The following DACH1 variants were observed in gnomAD, a reference collection of about 807,000 sequenced individuals.
The protein encoded by DACH1 is dachshund family transcription factor 1, also known as dachshund homolog 1.
In DACH1, 12 loss-of-function variants were observed where a neutral mutation model predicts 54.2. The observed-to-expected ratio is 0.22, with a 90% confidence interval of 0.14 to 0.36. The LOEUF is 0.36. Ranked by LOEUF, DACH1 falls within the 10% of genes least tolerant of loss-of-function variation. The pLI is 1.00. For missense variants in DACH1, 805 were observed against 929.8 expected (o/e 0.87, Z 1.75); for synonymous variants, 386 against 366.2 (o/e 1.05, Z -0.62).
chr13:71,770,693 G>C (rs1885815304), intron 1 of DACH1, among the ~76,000 whole-genome samples: 1 of 151,656 alleles, frequency 6.6e-6, no homozygotes, highest in South Asian at 2.1e-4. Flanking sequence ...CCCTAAAGTA[G>C]GTGTTGTTTT....
At chr13:71,758,754 C>A (rs1487670932) in intron 1 of DACH1, among the ~76,000 whole-genome samples, 5 of 152,092 alleles carry the variant, frequency 3.3e-5, no homozygotes, top group Non-Finnish European at 4.4e-5. Context: ...ATATAAATAT[C>A]CGGTATATTA....
At chr13:71,651,743 C>T (rs56115679) in intron 2 of DACH1, among the ~76,000 whole-genome samples, 23,816 of 151,676 alleles carry the variant, frequency 0.16, 4,366 homozygotes, top group African/African-American at 0.44. Context: ...TATATGTGTG[C>T]ATATACATGA....
intron 2 of DACH1, among the ~76,000 whole-genome samples, chr13:71,631,486 C>T (rs1382717710): frequency 2.0e-5 from 3 of 152,130 alleles, no homozygotes; most frequent in East Asian, 1.9e-4. Context: ...GCATGTGTTG[C>T]TACACAGCTT....
intron 6 of DACH1, among the ~76,000 whole-genome samples, chr13:71,493,466 A>T (rs1007625254): frequency 2.0e-5 from 3 of 152,218 alleles, no homozygotes; most frequent in Non-Finnish European, 2.9e-5. Context: ...TGAGCCACAG[A>T]AACTGTAGGA....
chr13:71,673,884 A>G (rs1028798076), intron 2 of DACH1, among the ~76,000 whole-genome samples: 9 of 152,204 alleles, frequency 5.9e-5, no homozygotes, highest in African/African-American at 1.9e-4. Context: ...AACCATCATA[A>G]CCTATAAACA....
At chr13:71,499,946 C>T (rs1007322313) in intron 6 of DACH1, among the ~76,000 whole-genome samples, 1 of 151,906 alleles carries the variant, frequency 6.6e-6, no homozygotes, top group Admixed American at 6.6e-5. Flanking sequence ...CATAGTGCAC[C>T]CATAAACATT....
chr13:71,479,961 C>T (rs1177875747), intron 7 of DACH1, among the ~76,000 whole-genome samples: 2 of 152,160 alleles, frequency 1.3e-5, no homozygotes, highest in Admixed American at 6.5e-5. Flanking sequence ...ACTACCCTAT[C>T]TCCAAATGTA....
chr13:71,663,009 A>G (rs1006788433), intron 2 of DACH1, among the ~76,000 whole-genome samples: 9 of 152,022 alleles, frequency 5.9e-5, no homozygotes, highest in South Asian at 2.1e-4. Context: ...TAAAGTGCGC[A>G]TTTCACAAAT....
At chr13:71,863,547 C>T (rs1245373042) in intron 1 of DACH1, among the ~76,000 whole-genome samples, 1 of 152,098 alleles carries the variant, frequency 6.6e-6, no homozygotes, top group East Asian at 1.9e-4. Flanking sequence ...AAGAGATAAA[C>T]AGTTCCACTG....
chr13:71,619,918 T>G (rs979767451), intron 3 of DACH1, among the ~76,000 whole-genome samples: 3 of 151,948 alleles, frequency 2.0e-5, no homozygotes, highest in Non-Finnish European at 4.4e-5. Context: ...CGATAGCTTT[T>G]TCTCTTGATA....
At chr13:71,454,972 A>C (rs761259090) in intron 10 of DACH1, among the ~76,000 whole-genome samples, 3 of 152,210 alleles carry the variant, frequency 2.0e-5, no homozygotes, top group Non-Finnish European at 4.4e-5. Flanking sequence ...TGTGAGTTTT[A>C]GTGTGTTAGT....
rs760937159 is a variant in DACH1 at position 71,475,834 on chromosome 13, C to T, written c.1886G>A (p.Arg629Lys). 6.2e-7 allele frequency: 1 copy of T among 1,609,764 alleles called. No individual in the cohort carries two copies. The highest frequency in any genetic ancestry group is 8.5e-7 in the Non-Finnish European group (1 of 1,178,662). ...EQKNRAIVQKRLKKEKKAKRK... is the reference protein window; with the variant it reads ...EQKNRAIVQKKLKKEKKAKRK... ...CTTTGCCTTCTTCTCCTTCTTTAGC[C>T]TCTTTTGAACTATGGCTAAAAAAGA... is the stretch of plus-strand genomic sequence containing the variant. Residue 629 changes from arginine (R) to lysine (K), a missense_variant, in exon 9 of 11, where the codon AGG (arginine) becomes AAG (lysine). Physicochemically the swap from Arg to Lys is conservative, Grantham distance 26. This residue lies in a region of DACH1 where 472 missense variants were observed against 545.3 expected (regional missense o/e 0.87). Transcript: ENST00000613252.
intron 1 of DACH1, among the ~76,000 whole-genome samples, chr13:71,725,526 G>T (rs1883430240): frequency 6.6e-6 from 1 of 151,924 alleles, no homozygotes; most frequent in Non-Finnish European, 1.5e-5. Context: ...AAACTTTAAA[G>T]CTAGCTAAAT....
At chr13:71,757,860 A>C (rs1416368972) in intron 1 of DACH1, among the ~76,000 whole-genome samples, 2 of 152,108 alleles carry the variant, frequency 1.3e-5, no homozygotes, top group Non-Finnish European at 2.9e-5. Context: ...AGTTGTTGAT[A>C]ATCACAATGG....
chr13:71,802,960 T>C (rs1351901219), intron 1 of DACH1, among the ~76,000 whole-genome samples: 1 of 152,172 alleles, frequency 6.6e-6, no homozygotes, highest in Non-Finnish European at 1.5e-5. Context: ...AACAAAGTCC[T>C]TCTGCTTCCA....
chr13:71,831,623 A>T (rs1250790228), intron 1 of DACH1, among the ~76,000 whole-genome samples: 1 of 151,944 alleles, frequency 6.6e-6, no homozygotes, highest in Non-Finnish European at 1.5e-5. Flanking sequence ...AATCTATCAC[A>T]AAATCATGAT....
intron 2 of DACH1, among the ~76,000 whole-genome samples, chr13:71,657,413 G>C (rs1345125262): frequency 2.0e-5 from 3 of 151,828 alleles, no homozygotes; most frequent in Non-Finnish European, 2.9e-5. Flanking sequence ...GATTGCTAGA[G>C]CCCAAAAGGT....
chr13:71,691,797 A>G (rs529366045), intron 1 of DACH1, among the ~76,000 whole-genome samples: 1 of 152,306 alleles, frequency 6.6e-6, no homozygotes, highest in Non-Finnish European at 1.5e-5. Context: ...TCCCTCAAGT[A>G]GCTCATGGTC....
intron 10 of DACH1, among the ~76,000 whole-genome samples, chr13:71,442,406 G>A (rs1045176492): frequency 1.3e-5 from 2 of 152,036 alleles, no homozygotes; most frequent in East Asian, 1.9e-4. Flanking sequence ...ATTCTATTGC[G>A]TATGTGTACA....
Sources: allele counts gnomAD v4.1 joint callset (sites outside exome capture counted in the v4.1 genomes callset), GRCh38; gene constraint gnomAD v4.1.1; regional missense constraint gnomAD v4.1.1; transcripts MANE v1.5; gene names NCBI Gene and HGNC (gene_info 2026-07-23, HGNC 2026-07-21).